TRAM1: variants seen among roughly 807,000 people sequenced by gnomAD.
The protein encoded by TRAM1 is translocating chain-associated membrane protein 1.
In TRAM1, 17 loss-of-function variants were observed where a neutral mutation model predicts 48.7. The ratio of observed to expected loss-of-function variants is 0.35; its 90% CI spans 0.24 to 0.52. TRAM1 has a LOEUF of 0.52. Among genes scored for constraint, TRAM1 ranks in the 20% least tolerant of loss-of-function variants. The pLI, the probability that TRAM1 is intolerant of heterozygous loss-of-function variation, is 0.94. For missense variants in TRAM1, 351 were observed against 441.5 expected (o/e 0.79, Z 1.84); for synonymous variants, 182 against 154.0 (o/e 1.18, Z -1.34).
intron 10 of TRAM1, among the ~76,000 whole-genome samples, chr8:70,578,749 G>C (rs1426428280): frequency 2.0e-5 from 3 of 152,198 alleles, no homozygotes; most frequent in Non-Finnish European, 4.4e-5. Flanking sequence ...TTTCTTTACA[G>C]CCAGCACAAC....
At chr8:70,600,670 A>C (rs1004531493) in intron 1 of TRAM1, among the ~76,000 whole-genome samples, 1 of 152,228 alleles carries the variant, frequency 6.6e-6, no homozygotes, top group Non-Finnish European at 1.5e-5. Context: ...AAGATGGATA[A>C]AATAATCCCT....
At position 70,585,630 on chromosome 8, in the gene TRAM1, T is replaced by G. The variant is rs556725419; in HGVS notation, c.746+1265A>C. 2.9e-3 allele frequency among the ~76,000 whole-genome samples: 406 copies of G among 137,850 alleles called. 6 individuals are homozygous for G. The highest frequency in any genetic ancestry group is 8.9e-3 in the African/African-American group (341 of 38,286). The allele number at this position is 137,850 out of a possible 152,430, so 90.4% of individuals were successfully genotyped here. On this transcript the variant is annotated intron_variant, in intron 8 of 10. Coordinates refer to ENST00000262213, the MANE Select transcript of TRAM1 (RefSeq NM_014294.6). The stretch of plus-strand genomic sequence containing the variant: ...GGCAAAGGATATGAACAGACACTTC[T>G]CAAAAGAAGATATTTATGCAGCCAA...
rs749372170 is a variant in TRAM1, at chr8:70,598,155, T to C, written c.288A>G (p.Val96=). The C allele has an allele frequency of 6.2e-6, 10 of 1,612,932 alleles. No individual in the cohort carries two copies. Among genetic ancestry groups the C allele is most frequent in the Non-Finnish European group, 8.5e-6 (10 of 1,179,518 alleles). Reference sequence around the variant, plus strand: ...TTACATCCAACATATACTCTTGAATTACGGCATGAATAATTATCGCCACTA... The same window carrying C: ...TTACATCCAACATATACTCTTGAATCACGGCATGAATAATTATCGCCACTA... The part of the protein sequence containing the change: ...YMLVAIIIHA[V]IQEYMLDKIN... Residue 96 remains valine, a synonymous_variant, in exon 3 of 11, where the codon GTA becomes GTG. Transcript: ENST00000262213.
chr8:70,577,448 T>G (rs1205952426), intron 10 of TRAM1, among the ~76,000 whole-genome samples: 1 of 152,108 alleles, frequency 6.6e-6, no homozygotes, highest in Non-Finnish European at 1.5e-5. Context: ...TCCTCCCCCC[T>G]GAAGCTCATA....
chr8:70,584,631 C>T (rs996353318), intron 8 of TRAM1, among the ~76,000 whole-genome samples: 3 of 152,152 alleles, frequency 2.0e-5, no homozygotes, highest in Non-Finnish European at 4.4e-5. Context: ...CATTCTTATA[C>T]ACCAATAACA....
chr8:70,575,839 G>A (rs1332736475), intron 10 of TRAM1, among the ~76,000 whole-genome samples: 3 of 151,990 alleles, frequency 2.0e-5, no homozygotes, highest in African/African-American at 7.3e-5. Flanking sequence ...CACTTTGGGA[G>A]GCTGAGGTGG....
chr8:70,604,563 G>C (rs903032990), intron 1 of TRAM1, among the ~76,000 whole-genome samples: 1 of 151,984 alleles, frequency 6.6e-6, no homozygotes, highest in Non-Finnish European at 1.5e-5. Context: ...GTGATGATTG[G>C]GGTTTCACGC....
intron 1 of TRAM1, 108 bp from the exon 2 acceptor site, chr8:70,600,190 C>T: frequency 1.3e-6 from 1 of 768,398 alleles, no homozygotes. Context: ...GCACCAAGGG[C>T]CTCCTCGTTC....
chr8:70,608,158 C>T lies in TRAM1; in HGVS notation c.42G>A (p.Leu14=). The T allele has an allele frequency of 1.3e-6, 2 of 1,599,622 alleles. No individual in the cohort carries two copies. The highest frequency in any genetic ancestry group is 1.1e-5 in the South Asian group (1 of 89,606). The change falls in exon 1 of 11, where the codon CTG becomes CTA. Residue 14 remains leucine, a synonymous_variant. Coordinates refer to ENST00000262213, the MANE Select transcript of TRAM1 (RefSeq NM_014294.6). ...GATTCTGCAGGACGAATTCGTGGCT[C>T]AGCACTGGGGGGCTCTTGGTGCTTT... is the stretch of plus-strand genomic sequence containing the variant. ...RKKSTKSPPV[L]SHEFVLQNHA...
intron 9 of TRAM1, 86 bp downstream of exon 9, chr8:70,583,564 C>A (rs1817130514): frequency 6.6e-7 from 1 of 1,513,246 alleles, no homozygotes; most frequent in South Asian, 1.3e-5. Flanking sequence ...TCATATTCAT[C>A]CTTTTTTAGA....
chr8:70,594,473 G>A, intron 6 of TRAM1, 33 bp downstream of exon 6: 1 of 1,526,386 alleles, frequency 6.6e-7, no homozygotes, highest in Non-Finnish European at 8.8e-7. Flanking sequence ...AAAATGACAA[G>A]ACATTTTTTA....
chr8:70,580,151 T>C (rs537589016), intron 10 of TRAM1, among the ~76,000 whole-genome samples: 1 of 152,308 alleles, frequency 6.6e-6, no homozygotes, highest in South Asian at 2.1e-4. Flanking sequence ...TAAGATCAAG[T>C]GAAGAACTCT....
At chr8:70,606,875 A>T (rs1441330273) in intron 1 of TRAM1, 36 of 984,706 alleles carry the variant, frequency 3.7e-5, no homozygotes, top group Non-Finnish European at 4.3e-5. Context: ...AAATGTATTC[A>T]CCTTTTGGTC....
At chr8:70,597,850 T>C (rs1817523827) in intron 4 of TRAM1, 45 bp downstream of exon 4, 1 of 1,413,146 alleles carries the variant, frequency 7.1e-7, no homozygotes, top group East Asian at 2.4e-5. Flanking sequence ...GAGTTTCTAA[T>C]CTTAGATAAG....
intron 1 of TRAM1, among the ~76,000 whole-genome samples, chr8:70,605,446 A>G (rs1271807692): frequency 6.6e-6 from 1 of 152,120 alleles, no homozygotes; most frequent in Non-Finnish European, 1.5e-5. Flanking sequence ...GTAATACAGT[A>G]TTTCTTTCTT....
chr8:70,577,365 C>T (rs1334380421), intron 10 of TRAM1, among the ~76,000 whole-genome samples: 4 of 152,180 alleles, frequency 2.6e-5, no homozygotes, highest in Non-Finnish European at 5.9e-5. Flanking sequence ...GGGGCCAGGC[C>T]ACCAGTTCCA....
chr8:70,607,055 C>A, intron 1 of TRAM1: 1 of 915,108 alleles, frequency 1.1e-6, no homozygotes, highest in South Asian at 5.0e-5. Context: ...GGAGACAAAA[C>A]AAGGCAGGAG....
At chr8:70,586,580 T>G (rs1817226193) in intron 8 of TRAM1, among the ~76,000 whole-genome samples, 1 of 152,138 alleles carries the variant, frequency 6.6e-6, no homozygotes, top group Admixed American at 6.6e-5. Context: ...TTTCACTTTC[T>G]TCTGAGAGTT....
chr8:70,590,539 G>A (rs548018314), intron 6 of TRAM1, among the ~76,000 whole-genome samples: 3 of 152,294 alleles, frequency 2.0e-5, no homozygotes, highest in Admixed American at 6.5e-5. Flanking sequence ...TCAGGCTGGA[G>A]TGCAGTGGTT....
Sources: gnomAD v4.1 joint callset for allele counts (sites outside exome capture counted in the v4.1 genomes callset) on GRCh38, gnomAD v4.1.1 for gene constraint, MANE v1.5 for transcripts, NCBI Gene and HGNC (gene_info 2026-07-23, HGNC 2026-07-21) for gene names.